The following CBARP variants were observed in gnomAD, a reference collection of about 807,000 sequenced individuals.
CBARP encodes CACN subunit beta associated regulatory protein, also known as voltage-dependent calcium channel beta subunit-associated regulatory protein.
A neutral mutation model predicts 36.3 loss-of-function variants in CBARP; 24 were observed. The ratio of observed to expected loss-of-function variants is 0.66; its 90% CI spans 0.48 to 0.93. The LOEUF (loss-of-function observed/expected upper bound fraction) is 0.93. Ranked by LOEUF, CBARP falls within the 40% of genes least tolerant of loss-of-function variation. The probability of loss-of-function intolerance (pLI) is 0.00; values close to 1 mark genes in which losing one functional copy is unlikely to be tolerated. For missense variants in CBARP, 1,146 were observed against 980.4 expected, an observed-to-expected ratio of 1.17 and a Z score of -2.26; for synonymous variants, 586 against 453.2, an observed-to-expected ratio of 1.29 and a Z score of -3.72.
intron 8 of CBARP, among the ~76,000 whole-genome samples, chr19:1,232,166 T>C (rs373558107): frequency 5.3e-5 from 8 of 152,072 alleles, no homozygotes; most frequent in African/African-American, 1.7e-4. Context: ...GCAAACAGGT[T>C]CTGGGATGTG....
Position 1,236,066 on chromosome 19 carries a change from GTGGCGGCTGTGGCCA to G in CBARP, c.20_34del (p.Met7_Ala11del), listed in dbSNP as rs2080968135. On this transcript the variant is annotated inframe_deletion, in exon 2 of 10. Transcript: ENST00000650044. ...TGTGGCAGTGGTGGTGGTGGTGGTG[GTGGCGGCTGTGGCCA>G]TGGTGGCTGTGGGCTGCATTCTGAA... is the stretch of plus-strand genomic sequence containing the variant. 6.6e-7 allele frequency: 1 copy of G among 1,509,360 alleles called. No homozygotes were observed. The allele number at this position is 1,509,360 out of a possible 1,614,324, so 93.5% of individuals were successfully genotyped here.
chr19:1,235,830 C>T lies in CBARP; in HGVS notation c.194G>A (p.Gly65Asp), dbSNP rs1390496198. 1.2e-6 allele frequency: 2 copies of T among 1,610,860 alleles called. No individual in the cohort carries two copies. Among genetic ancestry groups the T allele is most frequent in the Non-Finnish European group, 1.7e-6 (2 of 1,179,918 alleles). ...GCAGCGCTTGCAGAGGAGCAGGACG[C>T]CAGACAACACCACCAGCGTGCCCCC... ...FVGGTLVVLS[G>D]VLLLCKRCWD... The change falls in exon 3 of 10, where the codon GGC (glycine) becomes GAC (aspartate). Residue 65 changes from glycine (G) to aspartate (D), a missense_variant. Gly to Asp is a moderately conservative substitution (Grantham distance 94, BLOSUM62 -1). Coordinates refer to ENST00000650044, the MANE Select transcript of CBARP (RefSeq NM_001393918.1).
At chr19:1,234,946 G>A (rs868490490) in intron 5 of CBARP, 55 bp downstream of exon 5, 147 of 1,561,302 alleles carry the variant, frequency 9.4e-5, no homozygotes, top group African/African-American at 3.0e-4. Context: ...CCCCCGTCCC[G>A]GCGGCCAGGA....
chr19:1,230,405 C>G, intron 9 of CBARP: 11 of 988,210 alleles, frequency 1.1e-5, no homozygotes, highest in Non-Finnish European at 1.3e-5. Flanking sequence ...TTGGAAGCCC[C>G]CAGGAAAAGT....
intron 7 of CBARP, 118 bp from the exon 8 acceptor site, chr19:1,233,754 A>ATGG: frequency 9.9e-7 from 1 of 1,008,324 alleles, no homozygotes; most frequent in Non-Finnish European, 1.4e-6. Context: ...TGGGACAGAG[A>ATGG]GGGGTACCTG....
At chr19:1,233,278 GC>G in intron 8 of CBARP, 147 bp downstream of exon 8, 1 of 854,046 alleles carries the variant, frequency 1.2e-6, no homozygotes, top group East Asian at 2.7e-5. Context: ...CAGGCAGCAC[GC>G]CCGCTGGCAG....
At chr19:1,230,210 C>T (rs1280094030) in intron 9 of CBARP, 68 bp from the exon 10 acceptor site, 1 of 994,558 alleles carries the variant, frequency 1.0e-6, no homozygotes, top group Non-Finnish European at 1.2e-6. Context: ...GGCCATCCCG[C>T]CTCTGGATCA....
rs561772834 is a variant in CBARP, at chr19:1,235,987, T to C, written c.105+9A>G. 1.3e-5 allele frequency: 20 copies of C among 1,570,940 alleles called. No homozygotes were observed. In the South Asian group the frequency reaches 2.2e-4, roughly 17 times the overall value. ...CCTCCTGCCCCTCCCACCTGTCCCC[T>C]GCACCCACCGTGGGGCGTCCAGTGG... is the stretch of plus-strand genomic sequence containing the variant. On this transcript the variant is annotated intron_variant, in intron 2 of 9. Transcript: ENST00000650044.
In CBARP at chr19:1,231,284, G is replaced by A. The variant is rs760650145; in HGVS notation, c.980-9C>T. ...GTGCCGCTTGGGGGAACCTGCGCAC[G>A]GGATGTGCCGTAAGCGTCAGCCGGC... On this transcript the variant is annotated splice_polypyrimidine_tract_variant and intron_variant, in intron 8 of 9. Coordinates refer to ENST00000650044, the MANE Select transcript of CBARP (RefSeq NM_001393918.1). The A allele has an allele frequency of 1.4e-5, 23 of 1,597,928 alleles. No homozygotes were observed. The South Asian group carries it at 1.5e-4, about 11-fold the overall frequency.
intron 1 of CBARP, 31 bp from the exon 2 acceptor site, chr19:1,236,152 T>C: frequency 7.2e-7 from 1 of 1,386,588 alleles, no homozygotes; most frequent in South Asian, 1.6e-5. Context: ...CAGCTCCAGC[T>C]AGACCTACTT....
rs1351853962 is a variant in CBARP, at chr19:1,228,617, A to G, written c.*562T>C. The G allele has an allele frequency of 6.3e-6, 1 of 157,566 alleles. No homozygotes were observed. The highest frequency in any genetic ancestry group is 1.4e-5 in the Non-Finnish European group (1 of 72,574). 9.8% of individuals were successfully genotyped at this position (157,566 alleles called of 1,614,324 possible). A position where few individuals can be genotyped will look rare whatever the true frequency, so the allele number is the denominator to read the frequency against. On this transcript the variant is annotated 3_prime_UTR_variant, in exon 10 of 10. Transcript: ENST00000650044. ...GGAGGCGGCGCGGGCTGCCGCCAGC[A>G]CACGCCGCAGTGAGGTAAACGGTCT...
chr19:1,236,801 G>C (rs1457091777), intron 1 of CBARP, among the ~76,000 whole-genome samples: 2 of 149,424 alleles, frequency 1.3e-5, no homozygotes, highest in African/African-American at 2.4e-5. Context: ...CCGCGGCTGG[G>C]GGGGCGGGTT....
rs2145444610 is a variant in CBARP, at chr19:1,229,851, C to A, written c.1446G>T (p.Pro482=). The change falls in exon 10 of 10, where the codon CCG becomes CCT. Residue 482 remains proline, a synonymous_variant. Coordinates refer to ENST00000650044, the MANE Select transcript of CBARP (RefSeq NM_001393918.1). This position sits in a 1 kb window ranked among gnomAD's most constrained non-coding sequence, Gnocchi z 5.1. ...GSGGAAPAFP[P]PSPPAPRPKD... is the part of the protein sequence containing the mutation. ...TGGGCCGCGGCGCGGGCGGGGAGGG[C>A]GGCGGGAAGGCGGGCGCCGCGCCCC... 1.0e-6 allele frequency: 1 copy of A among 986,498 alleles called. No homozygotes were observed. The allele number at this position is 986,498 out of a possible 1,614,324, so 61.1% of individuals were successfully genotyped here.
At chr19:1,232,651 AT>A (rs1302956992) in intron 8 of CBARP, among the ~76,000 whole-genome samples, 3 of 152,230 alleles carry the variant, frequency 2.0e-5, no homozygotes, top group African/African-American at 7.2e-5. Context: ...GGCCTGCAGA[AT>A]TGAAGGGCTA....
rs752573707 is a variant in CBARP at position 1,229,131 on chromosome 19, G to A, written c.*48C>T. 7.5e-5 allele frequency: 62 copies of A among 822,378 alleles called. No homozygotes were observed. The highest frequency in any genetic ancestry group is 9.0e-5 in the Non-Finnish European group (60 of 667,036). The allele number at this position is 822,378 out of a possible 1,614,324, so 50.9% of individuals were successfully genotyped here. A position where few individuals can be genotyped will look rare whatever the true frequency, so the allele number is the denominator to read the frequency against. On this transcript the variant is annotated 3_prime_UTR_variant, in exon 10 of 10. Transcript: ENST00000650044. The surrounding 1 kb of genome is among the most constrained non-coding windows in gnomAD (Gnocchi z 5.1). ...ACGTCTCTCCCGCCGCCGAGGCCCC[G>A]TGCGGCGCCGGAGAAGCTGCCAGAG... is the stretch of plus-strand genomic sequence containing the variant.
At position 1,235,815 on chromosome 19, in the gene CBARP, C is replaced by T; in HGVS notation, c.209G>A (p.Cys70Tyr). 6.2e-7 allele frequency: 1 copy of T among 1,610,034 alleles called. No individual in the cohort carries two copies. Among genetic ancestry groups the T allele is most frequent in the Non-Finnish European group, 8.5e-7 (1 of 1,179,910 alleles). Residue 70 changes from cysteine (C) to tyrosine (Y), a missense_variant, in exon 3 of 10, where the codon TGC becomes TAC. By Grantham distance (194) the Cys-to-Tyr change is radical (BLOSUM62 -2). Transcript: ENST00000650044. ...CTGGTGGACGTCCCAGCAGCGCTTG[C>T]AGAGGAGCAGGACGCCAGACAACAC... ...LVVLSGVLLL[C>Y]KRCWDVHQRL...
Position 1,235,981 on chromosome 19 carries a change from G to A in CBARP, c.105+15C>T, listed in dbSNP as rs750075882. Reference sequence around the variant, plus strand: ...GGACGACCTCCTGCCCCTCCCACCTGTCCCCTGCACCCACCGTGGGGCGTC... The same window carrying A: ...GGACGACCTCCTGCCCCTCCCACCTATCCCCTGCACCCACCGTGGGGCGTC... On this transcript the variant is annotated intron_variant, in intron 2 of 9. Transcript: ENST00000650044. 1.3e-6 allele frequency: 2 copies of A among 1,579,536 alleles called. No homozygotes were observed. The highest frequency in any genetic ancestry group is 1.1e-5 in the South Asian group (1 of 87,034).
At chr19:1,230,226 G>A (rs2080871908) in intron 9 of CBARP, 84 bp from the exon 10 acceptor site, 4 of 994,282 alleles carry the variant, frequency 4.0e-6, no homozygotes, top group Admixed American at 6.1e-5. Context: ...GATCAGGGAG[G>A]GTGGACGCGG....
rs929825445 is a variant in CBARP at position 1,233,553 on chromosome 19, T to C, written c.852A>G (p.Ala284=). 1 of 1,607,106 alleles carries C rather than the reference T, an allele frequency of 6.2e-7. No homozygotes were observed. The highest frequency in any genetic ancestry group is 1.3e-5 in the African/African-American group (1 of 74,918). ...GPGEAGPGSG[A]GTVLQFLTRL... ...GGGTGAGGAACTGCAGAACGGTACC[T>C]GCCCCGGATCCCGGGCCCGCCTCCC... Residue 284 remains alanine (A), a synonymous_variant, in exon 8 of 10, where the codon GCA becomes GCG. Transcript: ENST00000650044.
Sources: gnomAD v4.1 joint callset for allele counts (sites outside exome capture counted in the v4.1 genomes callset) on GRCh38, gnomAD v4.1.1 for gene constraint, Gnocchi (gnomAD v3.1) non-coding constraint, MANE v1.5 for transcripts, NCBI Gene and HGNC (gene_info 2026-07-23, HGNC 2026-07-21) for gene names.